ATL3: variants seen among roughly 807,000 people sequenced by gnomAD.
ATL3 encodes atlastin GTPase 3, also known as atlastin-3.
A neutral mutation model predicts 69.5 loss-of-function variants in ATL3; 49 were observed. The ratio of observed to expected loss-of-function variants is 0.71; its 90% confidence interval spans 0.56 to 0.89. ATL3 has a LOEUF of 0.89. ATL3 is among the 40% of genes least tolerant of loss of function. The pLI, the probability that ATL3 is intolerant of heterozygous loss-of-function variation, is 0.00. For synonymous variants in ATL3, 214 were observed against 224.1 expected (o/e 0.95, Z 0.40); for missense variants, 606 against 645.7 (o/e 0.94, Z 0.67).
chr11:63,632,227 T>G (rs1218705229), intron 11 of ATL3: 1 of 681,972 alleles, frequency 1.5e-6, no homozygotes, highest in Non-Finnish European at 2.8e-6. Flanking sequence ...GAACTATGCT[T>G]CGTGGTGCTC....
At chr11:63,667,043 T>A (rs950620268) in intron 1 of ATL3, among the ~76,000 whole-genome samples, 2 of 152,206 alleles carry the variant, frequency 1.3e-5, no homozygotes, top group African/African-American at 4.8e-5. Flanking sequence ...AGTACCATGA[T>A]GAAATCTTGT....
rs1353380347 is a variant in ATL3 at position 63,627,341 on chromosome 11, G to A, written c.*1978C>T. 1 of 152,148 alleles carries A rather than the reference G, an allele frequency of 6.6e-6. No homozygotes were observed. 9.4% of individuals were successfully genotyped at this position (152,148 alleles called of 1,614,324 possible). On this transcript the variant is annotated 3_prime_UTR_variant, in exon 13 of 13. Coordinates refer to ENST00000398868, the MANE Select transcript of ATL3 (RefSeq NM_015459.5). ...ATCACTGATAAATGCAAGTAAACAA[G>A]CTGGAATTTTTCTAAAGTGTAACAG...
At chr11:63,667,044 GA>G (rs951435057) in intron 1 of ATL3, among the ~76,000 whole-genome samples, 7 of 152,164 alleles carry the variant, frequency 4.6e-5, no homozygotes, top group African/African-American at 1.2e-4. Flanking sequence ...GTACCATGAT[GA>G]AATCTTGTGC....
intron 5 of ATL3, among the ~76,000 whole-genome samples, chr11:63,649,694 G>C (rs570602764): frequency 6.6e-6 from 1 of 151,550 alleles, no homozygotes; most frequent in East Asian, 2.0e-4. Flanking sequence ...ACCGCACCCA[G>C]CTAATTTTTT....
Position 63,624,595 on chromosome 11 carries a change from T to C in ATL3, c.*4724A>G, listed in dbSNP as rs1024710334. The C allele has an allele frequency of 2.0e-5, 3 of 152,208 alleles. No individual in the cohort carries two copies. The highest frequency in any genetic ancestry group is 7.2e-5 in the African/African-American group (3 of 41,438). The allele number at this position is 152,208 out of a possible 1,614,324, so 9.4% of individuals were successfully genotyped here. On this transcript the variant is annotated 3_prime_UTR_variant, in exon 13 of 13. Coordinates refer to ENST00000398868, the MANE Select transcript of ATL3 (RefSeq NM_015459.5). The stretch of plus-strand genomic sequence containing the variant: ...TAATGTTTCACCTGTATGTGAAAGA[T>C]TTGGGGGTTCAAGTCACAGTGCTGA...
chr11:63,667,669 C>G (rs1940616957), intron 1 of ATL3, among the ~76,000 whole-genome samples: 1 of 151,002 alleles, frequency 6.6e-6, no homozygotes, highest in South Asian at 2.1e-4. Flanking sequence ...GAGGCTGAAG[C>G]AGGAGAATCA....
chr11:63,650,780 G>GC (rs1378546954), intron 5 of ATL3: 1 of 152,136 alleles, frequency 6.6e-6, no homozygotes, highest in Non-Finnish European at 1.5e-5. Flanking sequence ...AAAGGAAGGA[G>GC]CTTAGAAAGG....
At chr11:63,663,745 G>C (rs1283276385) in intron 1 of ATL3, among the ~76,000 whole-genome samples, 1 of 152,222 alleles carries the variant, frequency 6.6e-6, no homozygotes, top group East Asian at 1.9e-4. Flanking sequence ...ACAAAGTCTT[G>C]ATTGTGGCAG....
chr11:63,671,489 G>A (rs1218498373), upstream of ATL3: 2 of 1,460,598 alleles, frequency 1.4e-6, no homozygotes, highest in African/African-American at 1.5e-5. Context: ...CCGCGACGGA[G>A]CGAGCGCAGC....
At chr11:63,632,351 CA>C in intron 11 of ATL3, 1 of 874,734 alleles carries the variant, frequency 1.1e-6, no homozygotes, top group Non-Finnish European at 2.0e-6. Flanking sequence ...ATGGAGCCTA[CA>C]ATTCAAAATT....
rs528048400 is a variant in ATL3, at chr11:63,631,056, G to A, written c.1523C>T (p.Ala508Val). ...ACCACTTACCTGCTCCAACACATAT[G>A]CGGCACCAAAATCAATAGCTCCGCC... ...ELGGAIDFGA[A>V]YVLEQASSHI... Residue 508 changes from alanine to valine, a missense_variant, in exon 12 of 13, where the codon GCA (alanine) becomes GTA (valine). Physicochemically the swap from Ala to Val is moderately conservative, Grantham distance 64. Coordinates refer to ENST00000398868, the MANE Select transcript of ATL3 (RefSeq NM_015459.5). 1.9e-6 allele frequency: 3 copies of A among 1,611,984 alleles called. No individual in the cohort carries two copies. The highest frequency in any genetic ancestry group is 3.3e-5 in the Admixed American group (2 of 59,902).
chr11:63,641,681 C>T (rs1022482053), intron 8 of ATL3, among the ~76,000 whole-genome samples: 1 of 152,082 alleles, frequency 6.6e-6, no homozygotes. Flanking sequence ...CCCTGACTTG[C>T]GGGGGAATAA....
In ATL3 at chr11:63,654,730, C is replaced by T. The variant is rs188004579; in HGVS notation, c.406-2155G>A. ...TTTTTTTTTTTGAGACAGAGTTTTG[C>T]TCGTCACCCAGGCTGGAGTGCAATG... On this transcript the variant is annotated intron_variant, in intron 3 of 12. Transcript: ENST00000398868. Among the ~76,000 whole-genome samples the T allele has an allele frequency of 3.4e-3, 437 of 128,760 alleles. 4 individuals are homozygous for T. The highest frequency in any genetic ancestry group is 0.012 in the African/African-American group (414 of 33,844). 84.5% of individuals were successfully genotyped at this position (128,760 alleles called of 152,430 possible).
intron 3 of ATL3, among the ~76,000 whole-genome samples, chr11:63,655,309 C>A (rs1202627023): frequency 6.6e-6 from 1 of 152,126 alleles, no homozygotes; most frequent in African/African-American, 2.4e-5. Context: ...CGCCACCACG[C>A]CCAGCTAATG....
intron 1 of ATL3, among the ~76,000 whole-genome samples, chr11:63,664,416 C>T (rs1233022049): frequency 6.6e-6 from 1 of 151,328 alleles, no homozygotes; most frequent in African/African-American, 2.4e-5. Context: ...GGTAGGCACC[C>T]GTAATCCCAG....
At chr11:63,664,798 A>C (rs188488712) in intron 1 of ATL3, among the ~76,000 whole-genome samples, 1 of 151,624 alleles carries the variant, frequency 6.6e-6, no homozygotes, top group East Asian at 2.0e-4. Context: ...AGTAGATAGA[A>C]GGTTTCACCA....
At chr11:63,658,728 G>A in intron 3 of ATL3, 33 bp downstream of exon 3, 1 of 1,569,268 alleles carries the variant, frequency 6.4e-7, no homozygotes, top group Admixed American at 2.0e-5. Flanking sequence ...TGTTGTTGTT[G>A]TTGTTAATCT....
At position 63,659,022 on chromosome 11, in the gene ATL3, A is replaced by C; in HGVS notation, c.261+16T>G. 6.2e-7 allele frequency: 1 copy of C among 1,612,366 alleles called. No homozygotes were observed. On this transcript the variant is annotated intron_variant, in intron 2 of 12. Coordinates refer to ENST00000398868, the MANE Select transcript of ATL3 (RefSeq NM_015459.5). ...AAGTCTCACTTTTTACTTGAAATAA[A>C]ATAATTCTATCTTACCTGAGAATAT...
In ATL3 at chr11:63,643,507, G is replaced by A. The variant is rs1939768210; in HGVS notation, c.712-12C>T. 1.3e-6 allele frequency: 2 copies of A among 1,599,884 alleles called. No homozygotes were observed. The highest frequency in any genetic ancestry group is 1.7e-6 in the Non-Finnish European group (2 of 1,173,050). On this transcript the variant is annotated splice_polypyrimidine_tract_variant and intron_variant, in intron 7 of 12. Transcript: ENST00000398868. ...TGATGTTCCTTCACCTGCCAATGAA[G>A]ACCAAGAATTTACCAACCAAAAGTC... is the stretch of plus-strand genomic sequence containing the variant.
Sources: gnomAD v4.1 joint callset for allele counts (sites outside exome capture counted in the v4.1 genomes callset) on GRCh38, gnomAD v4.1.1 for gene constraint, MANE v1.5 for transcripts, NCBI Gene and HGNC (gene_info 2026-07-23, HGNC 2026-07-21) for gene names.